The following SGCZ variants were observed in gnomAD, a reference collection of about 807,000 sequenced individuals.
SGCZ encodes sarcoglycan zeta, also known as zeta-sarcoglycan.
Under a neutral mutation model 41.3 loss-of-function variants are expected in SGCZ, and 40 were observed. The observed-to-expected ratio is 0.97, with a 90% CI of 0.75 to 1.26. SGCZ has a LOEUF of 1.26. Ranked by LOEUF, SGCZ falls within the 50% of genes most tolerant of loss-of-function variation. The pLI, the probability that SGCZ is intolerant of heterozygous loss-of-function variation, is 0.00. For missense variants in SGCZ, 552 were observed against 369.8 expected, an observed-to-expected ratio of 1.49 and a Z score of -4.04; for synonymous variants, 206 against 137.5, an observed-to-expected ratio of 1.50 and a Z score of -3.49.
chr8:14,604,943 T>C (rs1805702206), intron 1 of SGCZ, among the ~76,000 whole-genome samples: 1 of 152,202 alleles, frequency 6.6e-6, no homozygotes, highest in Non-Finnish European at 1.5e-5. Context: ...TTCAAAGTGC[T>C]CTATTTGCAA....
chr8:14,967,080 T>G (rs1801147984), intron 1 of SGCZ, among the ~76,000 whole-genome samples: 1 of 152,200 alleles, frequency 6.6e-6, no homozygotes, highest in Non-Finnish European at 1.5e-5. Flanking sequence ...TTCATTTTCA[T>G]TAGCTCACAG....
intron 4 of SGCZ, among the ~76,000 whole-genome samples, chr8:14,228,051 A>G (rs577676360): frequency 1.6e-3 from 243 of 152,132 alleles, no homozygotes; most frequent in African/African-American, 5.5e-3. Flanking sequence ...TTCTGTGTAC[A>G]TATGGACTCC....
chr8:14,889,767 C>T (rs559413786), intron 1 of SGCZ, among the ~76,000 whole-genome samples: 1 of 151,878 alleles, frequency 6.6e-6, no homozygotes, highest in East Asian at 1.9e-4. Context: ...TAACTGCTTG[C>T]ATATTTTAAA....
chr8:14,397,794 C>T (rs923218546), intron 2 of SGCZ, among the ~76,000 whole-genome samples: 3 of 152,070 alleles, frequency 2.0e-5, no homozygotes, highest in African/African-American at 7.2e-5. Context: ...ATCTTCATCC[C>T]CTTTTAGGGT....
At chr8:15,183,994 T>C (rs1800255572) in intron 1 of SGCZ, among the ~76,000 whole-genome samples, 1 of 152,214 alleles carries the variant, frequency 6.6e-6, no homozygotes, top group Non-Finnish European at 1.5e-5. Flanking sequence ...ATGTACAAAC[T>C]ACTTAGATAC....
At chr8:14,842,274 GA>G (rs1802947385) in intron 1 of SGCZ, among the ~76,000 whole-genome samples, 1 of 151,182 alleles carries the variant, frequency 6.6e-6, no homozygotes, top group Non-Finnish European at 1.5e-5. Flanking sequence ...ATAAGTGAAA[GA>G]AAATTAATCA....
intron 1 of SGCZ, among the ~76,000 whole-genome samples, chr8:15,019,223 G>A (rs1273054264): frequency 6.6e-6 from 1 of 152,192 alleles, no homozygotes; most frequent in Non-Finnish European, 1.5e-5. Context: ...ACTTATGGGG[G>A]TGAAGGCATG....
chr8:14,448,659 G>C (rs1037931), intron 2 of SGCZ, among the ~76,000 whole-genome samples: 1 of 151,926 alleles, frequency 6.6e-6, no homozygotes, highest in African/African-American at 2.4e-5. Context: ...AGTAATTCAA[G>C]TTTCCTCAGT....
chr8:15,120,284 T>A (rs188165493), intron 1 of SGCZ, among the ~76,000 whole-genome samples: 3 of 152,260 alleles, frequency 2.0e-5, no homozygotes, highest in Non-Finnish European at 4.4e-5. Context: ...CTATTTAAAA[T>A]TGTAAGAAAA....
intron 1 of SGCZ, among the ~76,000 whole-genome samples, chr8:14,991,694 C>T (rs1037095602): frequency 2.6e-5 from 4 of 151,848 alleles, no homozygotes; most frequent in Middle Eastern, 3.5e-3. Context: ...ACCCATCCTC[C>T]TCATCCAACC....
intron 1 of SGCZ, among the ~76,000 whole-genome samples, chr8:15,027,500 T>A (rs1440027242): frequency 6.6e-6 from 1 of 152,134 alleles, no homozygotes; most frequent in Non-Finnish European, 1.5e-5. Context: ...GAATGTACAT[T>A]CTGAGTAAAA....
chr8:14,207,892 G>T (rs1414051114), intron 4 of SGCZ, among the ~76,000 whole-genome samples: 1 of 151,704 alleles, frequency 6.6e-6, no homozygotes, highest in East Asian at 1.9e-4. Context: ...ATGGCTACTG[G>T]AAGTGCAAAC....
intron 1 of SGCZ, among the ~76,000 whole-genome samples, chr8:15,140,917 C>T (rs2116996166): frequency 6.6e-6 from 1 of 152,226 alleles, no homozygotes; most frequent in East Asian, 1.9e-4. Flanking sequence ...TGTATACTTG[C>T]AGTAATGATG....
At chr8:14,632,629 C>G (rs147417276) in intron 1 of SGCZ, among the ~76,000 whole-genome samples, 43 of 152,206 alleles carry the variant, frequency 2.8e-4, no homozygotes, top group Non-Finnish European at 5.4e-4. Context: ...CTTTTCAGAT[C>G]TGTGATTAAC....
At chr8:14,968,952 G>T (rs755132273) in intron 1 of SGCZ, among the ~76,000 whole-genome samples, 1 of 152,048 alleles carries the variant, frequency 6.6e-6, no homozygotes, top group Non-Finnish European at 1.5e-5. Context: ...AGATGGAATT[G>T]TAAAGTGTAA....
chr8:14,312,661 GGAGGAGGAA>G (rs890937299), intron 3 of SGCZ, among the ~76,000 whole-genome samples: 6 of 151,316 alleles, frequency 4.0e-5, no homozygotes, highest in Non-Finnish European at 7.4e-5. Context: ...AAGAGGAAGA[GGAGGAGGAA>G]GAGGAGGAGG....
intron 1 of SGCZ, among the ~76,000 whole-genome samples, chr8:15,221,034 G>A (rs1176779942): frequency 6.6e-6 from 1 of 151,850 alleles, no homozygotes; most frequent in Non-Finnish European, 1.5e-5. Flanking sequence ...ATAGGGGGAG[G>A]GATAGCATTA....
At chr8:14,373,024 C>A (rs542811079) in intron 2 of SGCZ, among the ~76,000 whole-genome samples, 1 of 152,158 alleles carries the variant, frequency 6.6e-6, no homozygotes, top group African/African-American at 2.4e-5. Context: ...TTGATAATAA[C>A]CTGCTTTAGA....
chr8:14,138,987 C>G (rs971297021), intron 5 of SGCZ, among the ~76,000 whole-genome samples: 4 of 152,182 alleles, frequency 2.6e-5, no homozygotes, highest in Non-Finnish European at 5.9e-5. Flanking sequence ...TCATAACAAA[C>G]TGTCTCTCAG....
Sources: gnomAD v4.1 joint callset for allele counts (sites outside exome capture counted in the v4.1 genomes callset) on GRCh38, gnomAD v4.1.1 for gene constraint, MANE v1.5 for transcripts, NCBI Gene and HGNC (gene_info 2026-07-23, HGNC 2026-07-21) for gene names.